Variants in CTNNA1 observed in about 807,000 individuals in gnomAD.
CTNNA1 encodes catenin alpha-1.
CTNNA1 carries 37 observed loss-of-function variants against 98.4 expected under a neutral mutation model. That is an observed-to-expected ratio of 0.38 (90% CI 0.29 to 0.49). The LOEUF (loss-of-function observed/expected upper bound fraction) is 0.49, where lower values mean the gene tolerates loss of function less well. Ranked by LOEUF, CTNNA1 falls within the 20% of genes least tolerant of loss-of-function variation. The pLI is 0.95. For synonymous variants in CTNNA1, 404 were observed against 413.2 expected, an observed-to-expected ratio of 0.98 and a Z score of 0.27; for missense variants, 761 against 1,147.2, an observed-to-expected ratio of 0.66 and a Z score of 4.86.
At chr5:138,897,290 C>G (rs1405529305) in intron 9 of CTNNA1, among the ~76,000 whole-genome samples, 1 of 67,264 alleles carries the variant, frequency 1.5e-5, no homozygotes, top group Non-Finnish European at 3.2e-5. Context: ...ATACCTCACA[C>G]CGCACCCCCC....
intron 16 of CTNNA1, chr5:138,931,908 G>GTGTT: frequency 1.0e-6 from 1 of 985,524 alleles, no homozygotes; most frequent in Non-Finnish European, 1.2e-6. Flanking sequence ...GAGGTGCTCT[G>GTGTT]TGTTTCTCCC....
intron 3 of CTNNA1, among the ~76,000 whole-genome samples, chr5:138,799,936 G>A (rs544720066): frequency 4.6e-5 from 7 of 152,004 alleles, no homozygotes; most frequent in South Asian, 2.1e-4. Flanking sequence ...TTGCTCTGTC[G>A]CCCAGTCTGG....
intron 13 of CTNNA1, among the ~76,000 whole-genome samples, chr5:138,926,508 C>CGTTGAGGA (rs1764082198): frequency 1.3e-5 from 2 of 152,154 alleles, no homozygotes; most frequent in Non-Finnish European, 2.9e-5. Flanking sequence ...GTTTGGCCCA[C>CGTTGAGGA]TTGCCGATTT....
intron 7 of CTNNA1, among the ~76,000 whole-genome samples, chr5:138,877,508 C>T (rs1482922204): frequency 4.7e-5 from 7 of 149,406 alleles, no homozygotes; most frequent in Non-Finnish European, 7.4e-5. Context: ...ACTGCAGTGG[C>T]GCAATCTCGG....
chr5:138,906,554 A>G (rs544678871), intron 10 of CTNNA1, among the ~76,000 whole-genome samples: 1 of 152,340 alleles, frequency 6.6e-6, no homozygotes, highest in Non-Finnish European at 1.5e-5. Flanking sequence ...AAACCCAGGA[A>G]AAAAATCACA....
chr5:138,780,127 T>C (rs1304933986), intron 1 of CTNNA1, among the ~76,000 whole-genome samples: 1 of 152,194 alleles, frequency 6.6e-6, no homozygotes, highest in Non-Finnish European at 1.5e-5. Flanking sequence ...AGAATAAGAT[T>C]TTAGCAGTAG....
At position 138,769,609 on chromosome 5, in the gene CTNNA1, C is replaced by T. The variant is rs192026079; in HGVS notation, c.-2-12314C>T. 2.5e-3 allele frequency among the ~76,000 whole-genome samples: 376 copies of T among 151,136 alleles called. 1 individual carries two copies. The highest frequency in any genetic ancestry group is 4.1e-3 in the Non-Finnish European group (278 of 67,804). ...GTGCAATGGTGCGATCTTGGCTCAC[C>T]GCAGCCTCCGCCTTCTGGGTTCAAG... On this transcript the variant is annotated intron_variant, in intron 1 of 17. Coordinates refer to ENST00000302763, the MANE Select transcript of CTNNA1 (RefSeq NM_001903.5).
chr5:138,787,974 G>T (rs1261981002), intron 3 of CTNNA1, among the ~76,000 whole-genome samples: 1 of 152,222 alleles, frequency 6.6e-6, no homozygotes, highest in African/African-American at 2.4e-5. Flanking sequence ...CCAAATCTCT[G>T]TGATCTAAGA....
chr5:138,766,226 T>C (rs1038928953), intron 1 of CTNNA1, among the ~76,000 whole-genome samples: 9 of 152,064 alleles, frequency 5.9e-5, no homozygotes, highest in Non-Finnish European at 1.3e-4. Flanking sequence ...AGATGACAGA[T>C]GTCTGAGTCT....
At chr5:138,790,435 T>C (rs1358022985) in intron 3 of CTNNA1, among the ~76,000 whole-genome samples, 1 of 152,242 alleles carries the variant, frequency 6.6e-6, no homozygotes, top group Non-Finnish European at 1.5e-5. Flanking sequence ...CCTTATTTTG[T>C]GTTCATTAAT....
At chr5:138,867,057 A>T (rs1581347427) in intron 7 of CTNNA1, among the ~76,000 whole-genome samples, 1 of 152,180 alleles carries the variant, frequency 6.6e-6, no homozygotes. Flanking sequence ...TTTAAATGGG[A>T]TTTTCAAAAT....
chr5:138,800,098 T>C (rs1027662030), intron 3 of CTNNA1, among the ~76,000 whole-genome samples: 6 of 152,130 alleles, frequency 3.9e-5, no homozygotes, highest in African/African-American at 1.4e-4. Context: ...GGTTTTGCCA[T>C]GTTGGCCAGG....
chr5:138,886,833 G>A (rs559651245), intron 8 of CTNNA1, among the ~76,000 whole-genome samples: 1 of 152,158 alleles, frequency 6.6e-6, no homozygotes, highest in South Asian at 2.1e-4. Context: ...GTCAAATTGA[G>A]TTTTAGTCTT....
intron 3 of CTNNA1, among the ~76,000 whole-genome samples, chr5:138,809,817 T>C (rs555012123): frequency 3.3e-5 from 5 of 152,328 alleles, no homozygotes; most frequent in Admixed American, 1.3e-4. Flanking sequence ...GCCAAGTCAC[T>C]TTCCAGATAT....
At chr5:138,835,272 A>C (rs1023684278) in intron 7 of CTNNA1, among the ~76,000 whole-genome samples, 26 of 152,178 alleles carry the variant, frequency 1.7e-4, no homozygotes, top group African/African-American at 6.3e-4. Context: ...CATGGAGCAA[A>C]AGAGCTTTTA....
intron 1 of CTNNA1, among the ~76,000 whole-genome samples, chr5:138,778,413 G>A (rs1754660625): frequency 6.6e-6 from 1 of 152,184 alleles, no homozygotes. Flanking sequence ...ACACAGAGGT[G>A]ATGTTGTATC....
intron 11 of CTNNA1, among the ~76,000 whole-genome samples, chr5:138,921,912 C>T (rs1580832928): frequency 6.6e-6 from 1 of 151,418 alleles, no homozygotes; most frequent in Non-Finnish European, 1.5e-5. Flanking sequence ...ATCACCCGGC[C>T]GGTGATTTTT....
intron 1 of CTNNA1, among the ~76,000 whole-genome samples, chr5:138,769,916 G>A (rs1324050892): frequency 6.6e-6 from 1 of 151,550 alleles, no homozygotes; most frequent in Non-Finnish European, 1.5e-5. Context: ...GCGTGATCTC[G>A]GCTCATTGCA....
chr5:138,933,671 C>G (rs964452996), intron 17 of CTNNA1, 131 bp from the exon 18 acceptor site: 56 of 901,986 alleles, frequency 6.2e-5, no homozygotes, highest in Non-Finnish European at 8.1e-5. Flanking sequence ...GGCTGCTGCC[C>G]AATCCTCTGC....
Sources: gnomAD v4.1 joint callset for allele counts (sites outside exome capture counted in the v4.1 genomes callset) on GRCh38, gnomAD v4.1.1 for gene constraint, MANE v1.5 for transcripts, NCBI Gene and HGNC (gene_info 2026-07-23, HGNC 2026-07-21) for gene names.